Variants in CSMD1 observed in about 807,000 individuals in gnomAD.
CSMD1 encodes the protein CUB and sushi domain-containing protein 1.
In CSMD1, 213 loss-of-function variants were observed where a neutral mutation model predicts 417.5. The observed-to-expected ratio is 0.51, with a 90% CI of 0.46 to 0.57. The LOEUF (loss-of-function observed/expected upper bound fraction) is 0.57, where lower values mean the gene tolerates loss of function less well. Ranked by LOEUF, CSMD1 falls within the 20% of genes least tolerant of loss-of-function variation. The pLI is 0.00. For synonymous variants in CSMD1, 2,862 were observed against 1,736.8 expected (o/e 1.65, Z -16.11); for missense variants, 6,923 against 4,529.7 (o/e 1.53, Z -15.17).
In CSMD1 at chr8:3,654,465, G is replaced by T. The variant is rs542919925; in HGVS notation, c.1010-37668C>A. On this transcript the variant is annotated intron_variant, in intron 7 of 69. Coordinates refer to ENST00000635120, the MANE Select transcript of CSMD1 (RefSeq NM_033225.6). ...GAAAAGATAATGGTACAGGAAGAGG[G>T]TACACAGGAGCTTTTAAAAATCAAG... Among the ~76,000 whole-genome samples the T allele has an allele frequency of 4.6e-5, 7 of 152,232 alleles. 1 individual carries two copies. The highest frequency in any genetic ancestry group is 1.7e-4 in the African/African-American group (7 of 41,538).
intron 9 of CSMD1, among the ~76,000 whole-genome samples, chr8:3,576,233 C>G (rs2116947112): frequency 6.6e-6 from 1 of 151,412 alleles, no homozygotes; most frequent in East Asian, 1.9e-4. Flanking sequence ...CAAAGGGACT[C>G]AAGAACCAGA....
chr8:3,313,838 C>G (rs565032998), intron 23 of CSMD1, among the ~76,000 whole-genome samples: 5 of 152,292 alleles, frequency 3.3e-5, no homozygotes, highest in African/African-American at 2.4e-5. Context: ...TATAGCGGCA[C>G]TATTCACAAT....
chr8:4,113,067 C>A (rs1318783479), intron 3 of CSMD1, among the ~76,000 whole-genome samples: 1 of 152,106 alleles, frequency 6.6e-6, no homozygotes, highest in Non-Finnish European at 1.5e-5. Context: ...GCCACAAACA[C>A]CCCCATGTAA....
At chr8:3,454,503 G>C (rs1332475108) in intron 12 of CSMD1, among the ~76,000 whole-genome samples, 1 of 152,138 alleles carries the variant, frequency 6.6e-6, no homozygotes, top group Non-Finnish European at 1.5e-5. Context: ...TTTAGGGCAG[G>C]ACTGGTGGTG....
intron 50 of CSMD1, among the ~76,000 whole-genome samples, chr8:3,040,257 CA>C (rs1371601839): frequency 6.6e-6 from 1 of 151,910 alleles, no homozygotes; most frequent in Non-Finnish European, 1.5e-5. Context: ...ACACTCCCAT[CA>C]AAAATATTAA....
At chr8:4,440,307 C>T (rs1186572103) in intron 2 of CSMD1, among the ~76,000 whole-genome samples, 1 of 152,152 alleles carries the variant, frequency 6.6e-6, no homozygotes, top group African/African-American at 2.4e-5. Flanking sequence ...AAAATGGAAT[C>T]AGCTGGAAAG....
intron 3 of CSMD1, among the ~76,000 whole-genome samples, chr8:4,185,471 C>G (rs559568078): frequency 7.2e-5 from 11 of 152,210 alleles, no homozygotes; most frequent in Non-Finnish European, 1.2e-4. Flanking sequence ...ACCATACAGA[C>G]TCAATACAGA....
At chr8:4,260,574 G>C (rs929003019) in intron 3 of CSMD1, among the ~76,000 whole-genome samples, 18 of 152,134 alleles carry the variant, frequency 1.2e-4, no homozygotes, top group African/African-American at 3.9e-4. Context: ...CTGGAGAAAA[G>C]TTTGTAATAT....
intron 5 of CSMD1, among the ~76,000 whole-genome samples, chr8:3,955,256 G>A (rs1478455557): frequency 6.6e-6 from 1 of 152,092 alleles, no homozygotes. Context: ...CACCGGCAAT[G>A]CCAACCAACA....
chr8:4,309,119 G>A (rs564880962), intron 3 of CSMD1, among the ~76,000 whole-genome samples: 1 of 152,066 alleles, frequency 6.6e-6, no homozygotes, highest in Non-Finnish European at 1.5e-5. Flanking sequence ...TTTAATCAAT[G>A]TCAGGGTGTA....
At chr8:4,145,576 A>G (rs1804061867) in intron 3 of CSMD1, among the ~76,000 whole-genome samples, 1 of 150,762 alleles carries the variant, frequency 6.6e-6, no homozygotes, top group Non-Finnish European at 1.5e-5. Context: ...TTTTGTGGAG[A>G]GACGGTCTCA....
intron 10 of CSMD1, among the ~76,000 whole-genome samples, chr8:3,503,750 G>C (rs1222908134): frequency 1.3e-5 from 2 of 152,088 alleles, no homozygotes. Flanking sequence ...AGTTTTCCCT[G>C]TCTCAGCCCA....
intron 8 of CSMD1, among the ~76,000 whole-genome samples, chr8:3,601,872 G>C (rs969198370): frequency 6.6e-6 from 1 of 152,068 alleles, no homozygotes; most frequent in African/African-American, 2.4e-5. Flanking sequence ...TGAAGCAAAG[G>C]AGAGAGTTAG....
intron 49 of CSMD1, among the ~76,000 whole-genome samples, chr8:3,076,206 G>A (rs551965285): frequency 3.1e-4 from 47 of 152,062 alleles, no homozygotes; most frequent in East Asian, 2.5e-3. Flanking sequence ...CGCAGGTGTC[G>A]GCGGGGCTGG....
At chr8:3,278,631 C>G (rs1374020760) in intron 26 of CSMD1, 6 of 147,254 alleles carry the variant, frequency 4.1e-5, no homozygotes, top group African/African-American at 1.5e-4. Flanking sequence ...ACAACACAAT[C>G]TAATTTATAG....
intron 2 of CSMD1, among the ~76,000 whole-genome samples, chr8:4,591,552 A>G (rs746343684): frequency 2.0e-5 from 3 of 152,162 alleles, no homozygotes; most frequent in African/African-American, 7.2e-5. Flanking sequence ...CACAGAGAGG[A>G]CTGTAGTGCA....
chr8:4,048,371 T>A (rs980528910), intron 3 of CSMD1, among the ~76,000 whole-genome samples: 3 of 152,190 alleles, frequency 2.0e-5, no homozygotes, highest in Non-Finnish European at 4.4e-5. Flanking sequence ...TAACAACAGC[T>A]AACACAGACA....
At chr8:3,173,698 T>C (rs993047646) in intron 37 of CSMD1, among the ~76,000 whole-genome samples, 2 of 152,224 alleles carry the variant, frequency 1.3e-5, no homozygotes, top group Non-Finnish European at 2.9e-5. Flanking sequence ...GAAATCTCTG[T>C]AAACACACTC....
At position 4,976,197 on chromosome 8, in the gene CSMD1, C is replaced by T. The variant is rs201852510; in HGVS notation, c.85+18135G>A. 3.9e-5 allele frequency among the ~76,000 whole-genome samples: 6 copies of T among 152,244 alleles called. 1 individual carries two copies. The East Asian group carries it at 9.6e-4, about 24-fold the overall frequency. ...AAGGGCTGAAAAACCATCTATTGGA[C>T]CCTAACTCACTGCCTGGGTGACAAG... On this transcript the variant is annotated intron_variant, in intron 1 of 69. Coordinates refer to ENST00000635120, the MANE Select transcript of CSMD1 (RefSeq NM_033225.6).
Sources: gnomAD v4.1 joint callset for allele counts (sites outside exome capture counted in the v4.1 genomes callset) on GRCh38, gnomAD v4.1.1 for gene constraint, MANE v1.5 for transcripts, NCBI Gene and HGNC (gene_info 2026-07-23, HGNC 2026-07-21) for gene names.